HOMER2: variants seen among roughly 807,000 people sequenced by gnomAD.
HOMER2 encodes the protein homer scaffold protein 2.
Under a neutral mutation model 47.0 loss-of-function variants are expected in HOMER2, and 27 were observed. The observed-to-expected ratio is 0.57, with a 90% confidence interval of 0.42 to 0.79. HOMER2 has a LOEUF of 0.79. Ranked by LOEUF, HOMER2 falls within the 30% of genes least tolerant of loss-of-function variation. HOMER2 has a pLI of 0.00. For synonymous variants in HOMER2, 161 were observed against 163.8 expected, an observed-to-expected ratio of 0.98 and a Z score of 0.13; for missense variants, 443 against 435.0, an observed-to-expected ratio of 1.02 and a Z score of -0.16.
intron 1 of HOMER2, among the ~76,000 whole-genome samples, chr15:82,980,460 T>C (rs1003202926): frequency 2.0e-5 from 3 of 152,178 alleles, no homozygotes; most frequent in Admixed American, 2.0e-4. Flanking sequence ...GGCCTAACGC[T>C]TTCCCCTTGC....
rs2051321901 is a variant in HOMER2, at chr15:82,849,652, A to G, written c.*63T>C. The stretch of plus-strand genomic sequence containing the variant: ...AGCAATGCACACAGAAGAACGTCCT[A>G]GAGCTATCTGGTCTCGCACACACGC... On this transcript the variant is annotated 3_prime_UTR_variant, in exon 9 of 9. Coordinates refer to ENST00000450735, the MANE Select transcript of HOMER2 (RefSeq NM_004839.4). 6.9e-7 allele frequency: 1 copy of G among 1,444,426 alleles called. No individual in the cohort carries two copies. The highest frequency in any genetic ancestry group is 2.0e-5 in the Admixed American group (1 of 49,396). 89.5% of individuals were successfully genotyped at this position (1,444,426 alleles called of 1,614,324 possible). A position where few individuals can be genotyped will look rare whatever the true frequency, so the allele number is the denominator to read the frequency against.
intron 8 of HOMER2, 23 bp from the exon 9 acceptor site, chr15:82,849,926 G>C (rs373450102): frequency 1.2e-6 from 2 of 1,607,804 alleles, no homozygotes; most frequent in Non-Finnish European, 1.7e-6. Flanking sequence ...AAGGGAGAAG[G>C]GTCTAGAAAA....
chr15:82,903,494 G>A (rs2053193189), intron 1 of HOMER2, among the ~76,000 whole-genome samples: 1 of 152,120 alleles, frequency 6.6e-6, no homozygotes, highest in Admixed American at 6.6e-5. Flanking sequence ...GCACATGCTT[G>A]TAATCCCAGC....
chr15:82,895,983 AG>A (rs201330900), intron 1 of HOMER2, among the ~76,000 whole-genome samples: 1,647 of 152,322 alleles, frequency 0.011, 7 homozygotes, highest in Non-Finnish European at 0.016. Context: ...AAAGAAAAAA[AG>A]AAGTGGCCCC....
chr15:82,940,853 C>A (rs1425040575), intron 1 of HOMER2, among the ~76,000 whole-genome samples: 10 of 151,716 alleles, frequency 6.6e-5, no homozygotes, highest in Admixed American at 6.6e-4. Flanking sequence ...GATTGCACTG[C>A]ACTGGAGTGT....
At chr15:82,853,830 G>C (rs1567013293) in intron 6 of HOMER2, among the ~76,000 whole-genome samples, 1 of 152,148 alleles carries the variant, frequency 6.6e-6, no homozygotes, top group Non-Finnish European at 1.5e-5. Context: ...CAACAGGTCA[G>C]CACCTGTTTA....
At position 82,960,383 on chromosome 15, in the gene HOMER2, G is replaced by A. The variant is rs1008952549; in HGVS notation, n.83-1075C>T. On this transcript the variant is annotated intron_variant and non_coding_transcript_variant, in intron 1 of 1. Coordinates refer to the HOMER2 transcript ENST00000500334. ...CATCAGCAAGTCAGTATCTGAACCT[G>A]GGAAGTGTGTGTTGAACAGAGGTGG... Among the ~76,000 whole-genome samples the A allele has an allele frequency of 5.3e-5, 8 of 152,276 alleles. 1 individual carries two copies. Among genetic ancestry groups the A allele is most frequent in the Admixed American group, 3.9e-4 (6 of 15,292 alleles).
At chr15:82,867,665 T>A (rs2052018828) in intron 3 of HOMER2, among the ~76,000 whole-genome samples, 1 of 152,206 alleles carries the variant, frequency 6.6e-6, no homozygotes, top group East Asian at 1.9e-4. Flanking sequence ...GCTGGCAAGA[T>A]ATTTCTGGTA....
At chr15:82,942,803 G>A (rs1055028913) in intron 1 of HOMER2, among the ~76,000 whole-genome samples, 3 of 152,124 alleles carry the variant, frequency 2.0e-5, no homozygotes, top group Non-Finnish European at 4.4e-5. Flanking sequence ...CCGATCCTCT[G>A]GCTGGCGACA....
At chr15:82,897,299 C>CAT (rs1336673028) in intron 1 of HOMER2, among the ~76,000 whole-genome samples, 3 of 152,038 alleles carry the variant, frequency 2.0e-5, no homozygotes, top group African/African-American at 7.2e-5. Flanking sequence ...CTCCTGACCT[C>CAT]ATGATCCACA....
intron 2 of HOMER2, among the ~76,000 whole-genome samples, chr15:82,889,166 C>T (rs558585864): frequency 6.6e-6 from 1 of 152,350 alleles, no homozygotes; most frequent in South Asian, 2.1e-4. Context: ...AAAAGCTAAA[C>T]GCATCTGACC....
At chr15:82,921,540 C>T (rs1452418780) in intron 1 of HOMER2, among the ~76,000 whole-genome samples, 1 of 152,220 alleles carries the variant, frequency 6.6e-6, no homozygotes, top group East Asian at 1.9e-4. Context: ...AACATCCACA[C>T]TCCCAGTCTT....
At chr15:82,914,462 T>A (rs1229103232) in intron 1 of HOMER2, among the ~76,000 whole-genome samples, 1 of 151,036 alleles carries the variant, frequency 6.6e-6, no homozygotes, top group South Asian at 2.1e-4. Flanking sequence ...AATAAACCAG[T>A]CACAAAATAA....
intron 4 of HOMER2, among the ~76,000 whole-genome samples, chr15:82,863,553 T>G (rs2051862629): frequency 6.6e-6 from 1 of 152,146 alleles, no homozygotes; most frequent in Non-Finnish European, 1.5e-5. Flanking sequence ...GAAGTCTCCC[T>G]TTCCCTGGCT....
At chr15:82,848,284 C>T (rs558639508), downstream of HOMER2, among the ~76,000 whole-genome samples, 2 of 152,158 alleles carry the variant, frequency 1.3e-5, no homozygotes, top group Admixed American at 6.5e-5. Context: ...AGTCTAACCA[C>T]GTCCATGGGA....
At chr15:82,879,419 C>T (rs1029725741) in intron 2 of HOMER2, among the ~76,000 whole-genome samples, 4 of 152,190 alleles carry the variant, frequency 2.6e-5, no homozygotes, top group Non-Finnish European at 5.9e-5. Context: ...TTACCTGGGG[C>T]TCCGGAGGTC....
chr15:82,909,276 G>C (rs377521822), intron 1 of HOMER2, among the ~76,000 whole-genome samples: 1 of 152,170 alleles, frequency 6.6e-6, no homozygotes, highest in Non-Finnish European at 1.5e-5. Context: ...CTATAGAAGG[G>C]TGCACCTCAC....
intron 1 of HOMER2, among the ~76,000 whole-genome samples, chr15:82,948,188 G>A (rs2054423206): frequency 6.6e-6 from 1 of 152,016 alleles, no homozygotes; most frequent in Non-Finnish European, 1.5e-5. Context: ...TCAGGAGATT[G>A]AGATCATCCT....
chr15:82,908,136 T>C (rs565570878), intron 1 of HOMER2, among the ~76,000 whole-genome samples: 107 of 122,172 alleles, frequency 8.8e-4, no homozygotes, highest in African/African-American at 2.8e-3. Flanking sequence ...TGCTAATGGA[T>C]TCTGACTTTC....
Sources: allele counts gnomAD v4.1 joint callset (sites outside exome capture counted in the v4.1 genomes callset), GRCh38; gene constraint gnomAD v4.1.1; transcripts MANE v1.5; gene names NCBI Gene and HGNC (gene_info 2026-07-23, HGNC 2026-07-21).